SUGCT: variants seen among roughly 807,000 people sequenced by gnomAD.
SUGCT encodes the protein succinyl-CoA:glutarate CoA-transferase.
In SUGCT, 41 loss-of-function variants were observed where a neutral mutation model predicts 55.0. That is an observed-to-expected ratio of 0.74 (90% CI 0.58 to 0.97). The LOEUF (loss-of-function observed/expected upper bound fraction) is 0.97, where lower values mean the gene tolerates loss of function less well. SUGCT is among the 50% of genes least tolerant of loss of function. The pLI is 0.00. For missense variants in SUGCT, 568 were observed against 547.8 expected, an observed-to-expected ratio of 1.04 and a Z score of -0.37; for synonymous variants, 187 against 200.4, an observed-to-expected ratio of 0.93 and a Z score of 0.56.
chr7:40,364,685 C>T (rs952660244), intron 9 of SUGCT, among the ~76,000 whole-genome samples: 1 of 152,156 alleles, frequency 6.6e-6, no homozygotes, highest in Admixed American at 6.6e-5. Flanking sequence ...AGTAGATCCG[C>T]TGTTAGTCTG....
At chr7:40,433,633 G>T (rs975387013) in intron 9 of SUGCT, among the ~76,000 whole-genome samples, 1 of 152,168 alleles carries the variant, frequency 6.6e-6, no homozygotes, top group Non-Finnish European at 1.5e-5. Flanking sequence ...TGGGAGTGGT[G>T]CTCATGCTAT....
chr7:40,672,539 G>C (rs1281322245), intron 12 of SUGCT, among the ~76,000 whole-genome samples: 1 of 152,144 alleles, frequency 6.6e-6, no homozygotes, highest in African/African-American at 2.4e-5. Context: ...CTAGATGAGT[G>C]GTTGCTAGGA....
chr7:40,571,530 T>C (rs975090782), intron 12 of SUGCT, among the ~76,000 whole-genome samples: 1 of 152,240 alleles, frequency 6.6e-6, no homozygotes, highest in Non-Finnish European at 1.5e-5. Flanking sequence ...CAATTGTTCA[T>C]GCACACACAA....
chr7:40,869,935 G>A, the SUGCT span, among the ~76,000 whole-genome samples: 4 of 152,204 alleles, frequency 2.6e-5, no homozygotes, highest in South Asian at 8.3e-4. Flanking sequence ...GGATGTACAT[G>A]ATGTTGATAT....
chr7:40,495,440 T>C (rs1791919072), intron 11 of SUGCT, among the ~76,000 whole-genome samples: 1 of 152,180 alleles, frequency 6.6e-6, no homozygotes, highest in Admixed American at 6.5e-5. Context: ...CCTAGATTAT[T>C]AATTAATTAA....
At chr7:40,442,752 C>A (rs955969321) in intron 9 of SUGCT, among the ~76,000 whole-genome samples, 2 of 151,880 alleles carry the variant, frequency 1.3e-5, no homozygotes, top group Non-Finnish European at 2.9e-5. Flanking sequence ...CTTTAAGTTC[C>A]AGGGTACATG....
At chr7:40,735,902 A>G (rs1485234283) in intron 12 of SUGCT, among the ~76,000 whole-genome samples, 1 of 152,160 alleles carries the variant, frequency 6.6e-6, no homozygotes, top group East Asian at 1.9e-4. Context: ...AAAAACCACC[A>G]AACAGAAAAT....
At chr7:40,574,787 C>T (rs577324452) in intron 12 of SUGCT, among the ~76,000 whole-genome samples, 18 of 152,210 alleles carry the variant, frequency 1.2e-4, no homozygotes, top group Admixed American at 2.6e-4. Flanking sequence ...ACTTTTTAAC[C>T]GATATTTATT....
intron 12 of SUGCT, among the ~76,000 whole-genome samples, chr7:40,644,880 G>A (rs186915788): frequency 2.0e-5 from 3 of 152,224 alleles, no homozygotes; most frequent in East Asian, 1.9e-4. Context: ...CCTCCTGTCC[G>A]CACCTGGGTC....
the SUGCT span, among the ~76,000 whole-genome samples, chr7:40,935,038 C>T: frequency 6.6e-6 from 1 of 152,148 alleles, no homozygotes; most frequent in African/African-American, 2.4e-5. Context: ...AGAGCTTTTC[C>T]ATTTGGCCAT....
At chr7:40,844,831 T>G (rs1793478199) in intron 13 of SUGCT, among the ~76,000 whole-genome samples, 1 of 152,194 alleles carries the variant, frequency 6.6e-6, no homozygotes, top group African/African-American at 2.4e-5. Context: ...CTGTAAAAAG[T>G]GATTGGATTT....
rs927743067 is a variant in SUGCT at position 40,762,148 on chromosome 7, C to T, written c.1153+12651C>T. On this transcript the variant is annotated intron_variant, in intron 13 of 13. Coordinates refer to ENST00000335693, the MANE Select transcript of SUGCT (RefSeq NM_001193313.2). The stretch of plus-strand genomic sequence containing the variant: ...ACGTGCAGATCAGGAATAGCTCACA[C>T]GGTGATGCTCTTGCACTAGAAGCAG... 7.2e-5 allele frequency among the ~76,000 whole-genome samples: 11 copies of T among 152,286 alleles called. No homozygotes were observed. In the East Asian group the frequency reaches 1.4e-3, roughly 19 times the overall value.
the SUGCT span, among the ~76,000 whole-genome samples, chr7:40,907,131 G>T: frequency 5.5e-3 from 272 of 49,518 alleles, no homozygotes; most frequent in South Asian, 0.02. Flanking sequence ...GTGTGTGTGT[G>T]TGTGTGTGTG....
At chr7:40,334,995 T>G (rs1160430335) in intron 9 of SUGCT, among the ~76,000 whole-genome samples, 1 of 152,222 alleles carries the variant, frequency 6.6e-6, no homozygotes, top group Non-Finnish European at 1.5e-5. Flanking sequence ...CCCAGCACCA[T>G]TTATTAAATA....
intron 13 of SUGCT, among the ~76,000 whole-genome samples, chr7:40,836,072 T>TC: frequency 6.6e-6 from 1 of 151,750 alleles, no homozygotes; most frequent in East Asian, 2.0e-4. Flanking sequence ...TTTAATTTTT[T>TC]TTTTTTAGTA....
At chr7:40,575,386 T>C (rs1796684688) in intron 12 of SUGCT, among the ~76,000 whole-genome samples, 1 of 152,172 alleles carries the variant, frequency 6.6e-6, no homozygotes, top group Non-Finnish European at 1.5e-5. Context: ...AGTTCCTAAT[T>C]ATCCCAGGAT....
At chr7:40,382,422 T>G (rs1784916940) in intron 9 of SUGCT, among the ~76,000 whole-genome samples, 1 of 152,156 alleles carries the variant, frequency 6.6e-6, no homozygotes, top group African/African-American at 2.4e-5. Flanking sequence ...GCACTTCCAC[T>G]CCACTTTATT....
intron 12 of SUGCT, among the ~76,000 whole-genome samples, chr7:40,701,530 T>C (rs1415127276): frequency 6.6e-6 from 1 of 152,222 alleles, no homozygotes; most frequent in Non-Finnish European, 1.5e-5. Flanking sequence ...GGTATATGCA[T>C]AGTATTTTCC....
At chr7:40,842,953 ATT>A (rs1369840996) in intron 13 of SUGCT, among the ~76,000 whole-genome samples, 2 of 152,200 alleles carry the variant, frequency 1.3e-5, no homozygotes, top group African/African-American at 4.8e-5. Flanking sequence ...GTTTGACAGA[ATT>A]TGTTTTTTGA....
Sources: gnomAD v4.1 joint callset for allele counts (sites outside exome capture counted in the v4.1 genomes callset) on GRCh38, gnomAD v4.1.1 for gene constraint, MANE v1.5 for transcripts, NCBI Gene and HGNC (gene_info 2026-07-23, HGNC 2026-07-21) for gene names.